ADAMTS12: variants seen among roughly 807,000 people sequenced by gnomAD.
The protein encoded by ADAMTS12 is A disintegrin and metalloproteinase with thrombospondin motifs 12.
A neutral mutation model predicts 167.8 loss-of-function variants in ADAMTS12; 118 were observed. The ratio of observed to expected loss-of-function variants is 0.70; its 90% CI spans 0.61 to 0.82. ADAMTS12 has a LOEUF of 0.82. ADAMTS12 is among the 40% of genes least tolerant of loss of function. The pLI, the probability that ADAMTS12 is intolerant of heterozygous loss-of-function variation, is 0.00. For synonymous variants in ADAMTS12, 704 were observed against 716.9 expected, an observed-to-expected ratio of 0.98 and a Z score of 0.29; for missense variants, 1,916 against 1,998.8, an observed-to-expected ratio of 0.96 and a Z score of 0.79.
At position 33,624,256 on chromosome 5, in the gene ADAMTS12, C is replaced by G; in HGVS notation, c.2118G>C (p.Lys706Asn). ...CAGATCCTTCCTTCTGCTTAAACAT[C>G]TTTCTCACAGTCTGGCAGGAAGAGC... Reference protein sequence around the residue: ...GDGSSCQTVRKMFKQKEGSGY... With the variant: ...GDGSSCQTVRNMFKQKEGSGY... The change falls in exon 14 of 24, where the codon AAG (lysine) becomes AAC (asparagine). Residue 706 changes from lysine to asparagine, a missense_variant. Lys to Asn is a moderately conservative substitution (Grantham distance 94). Coordinates refer to ENST00000504830, the MANE Select transcript of ADAMTS12 (RefSeq NM_030955.4). 2 of 1,614,126 alleles carry G rather than the reference C, an allele frequency of 1.2e-6. No individual in the cohort carries two copies. The highest frequency in any genetic ancestry group is 1.7e-6 in the Non-Finnish European group (2 of 1,179,964).
chr5:33,677,825 A>T (rs1741976284), intron 5 of ADAMTS12, among the ~76,000 whole-genome samples: 1 of 152,216 alleles, frequency 6.6e-6, no homozygotes, highest in Admixed American at 6.5e-5. Context: ...CTGCTTTGAA[A>T]TATGACTATC....
rs1347562801 is a variant in ADAMTS12 at position 33,780,806 on chromosome 5, T to C, written c.490-29258A>G. On this transcript the variant is annotated intron_variant, in intron 2 of 23. Coordinates refer to ENST00000504830, the MANE Select transcript of ADAMTS12 (RefSeq NM_030955.4). ...CTCCTTTCCTTTTATAGCTCTCTCG[T>C]AAGAAGAGTCTAATAAATGTGAGAT... Among the ~76,000 whole-genome samples the C allele has an allele frequency of 2.0e-5, 3 of 152,186 alleles. No individual in the cohort carries two copies. In the East Asian group the frequency reaches 5.8e-4, roughly 29 times the overall value.
chr5:33,751,594 T>C (rs1381254865), intron 2 of ADAMTS12, 46 bp from the exon 3 acceptor site: 3 of 1,590,836 alleles, frequency 1.9e-6, no homozygotes, highest in South Asian at 1.1e-5. Context: ...CAATTCTACA[T>C]ACCTACTAAA....
chr5:33,563,348 G>A (rs1745840796), intron 19 of ADAMTS12, among the ~76,000 whole-genome samples: 1 of 152,166 alleles, frequency 6.6e-6, no homozygotes, highest in Non-Finnish European at 1.5e-5. Flanking sequence ...CTGTCCTTGT[G>A]ACTTGTCTTG....
chr5:33,757,752 C>T (rs1432390600), intron 2 of ADAMTS12, among the ~76,000 whole-genome samples: 2 of 152,162 alleles, frequency 1.3e-5, no homozygotes, highest in Admixed American at 6.5e-5. Flanking sequence ...TTGCTTAACA[C>T]ATTGAGCCCC....
intron 16 of ADAMTS12, among the ~76,000 whole-genome samples, chr5:33,599,095 G>A (rs1355673937): frequency 6.6e-6 from 1 of 152,184 alleles, no homozygotes; most frequent in Non-Finnish European, 1.5e-5. Flanking sequence ...GATGGTTCTA[G>A]CCCCCAGGCA....
chr5:33,864,036 C>T (rs973998189), intron 2 of ADAMTS12, among the ~76,000 whole-genome samples: 2 of 152,144 alleles, frequency 1.3e-5, no homozygotes, highest in Non-Finnish European at 2.9e-5. Context: ...CTCCCTTACA[C>T]CTTATACAAA....
At chr5:33,755,968 C>T (rs1268476370) in intron 2 of ADAMTS12, among the ~76,000 whole-genome samples, 3 of 152,128 alleles carry the variant, frequency 2.0e-5, no homozygotes, top group Non-Finnish European at 4.4e-5. Context: ...ATCATATAGG[C>T]AGGAAAAAGG....
chr5:33,526,246 A>C lies in ADAMTS12; in HGVS notation c.*942T>G, dbSNP rs1347759505. The C allele has an allele frequency of 6.6e-6, 1 of 152,132 alleles. No homozygotes were observed. The highest frequency in any genetic ancestry group is 2.4e-5 in the African/African-American group (1 of 41,414). 9.4% of individuals were successfully genotyped at this position (152,132 alleles called of 1,614,324 possible). On this transcript the variant is annotated 3_prime_UTR_variant, in exon 24 of 24. Transcript: ENST00000504830. The stretch of plus-strand genomic sequence containing the variant: ...TAGAGCTGGTCATAGTGGTCTTTGC[A>C]TATACAGCCCCTGCAGCAAGACGAT...
At chr5:33,843,865 A>G in intron 2 of ADAMTS12, among the ~76,000 whole-genome samples, 1 of 152,258 alleles carries the variant, frequency 6.6e-6, no homozygotes, top group East Asian at 1.9e-4. Context: ...AGAATGGCAC[A>G]CAATTTAAAA....
intron 8 of ADAMTS12, among the ~76,000 whole-genome samples, chr5:33,649,196 T>A (rs1252349239): frequency 6.6e-6 from 1 of 152,186 alleles, no homozygotes. Context: ...ATGGTAAAAT[T>A]AGAAAATCAT....
intron 22 of ADAMTS12, among the ~76,000 whole-genome samples, chr5:33,539,755 C>T (rs1000501643): frequency 6.6e-5 from 10 of 152,046 alleles, no homozygotes; most frequent in Admixed American, 5.2e-4. Context: ...AAAATGCATG[C>T]TATTTTATTT....
intron 2 of ADAMTS12, among the ~76,000 whole-genome samples, chr5:33,761,269 G>T (rs898639998): frequency 1.3e-5 from 2 of 152,238 alleles, no homozygotes; most frequent in Non-Finnish European, 2.9e-5. Context: ...ACTCTGATAG[G>T]CAAGGATCCC....
At chr5:33,781,259 GTA>G (rs72093421) in intron 2 of ADAMTS12, among the ~76,000 whole-genome samples, 8,318 of 151,092 alleles carry the variant, frequency 0.055, 768 homozygotes, top group African/African-American at 0.19. Context: ...GTGTGTGTGT[GTA>G]TATATATATA....
intron 3 of ADAMTS12, among the ~76,000 whole-genome samples, chr5:33,748,984 C>G (rs2112386454): frequency 6.6e-6 from 1 of 152,322 alleles, no homozygotes; most frequent in East Asian, 1.9e-4. Context: ...AGTAACTATG[C>G]ATTACACATA....
chr5:33,817,191 G>A (rs1747693213), intron 2 of ADAMTS12, among the ~76,000 whole-genome samples: 1 of 152,166 alleles, frequency 6.6e-6, no homozygotes, highest in African/African-American at 2.4e-5. Context: ...GGATAAACAA[G>A]TAAGAAACTC....
chr5:33,586,578 A>C (rs563696326), intron 18 of ADAMTS12, among the ~76,000 whole-genome samples: 1 of 152,356 alleles, frequency 6.6e-6, no homozygotes, highest in African/African-American at 2.4e-5. Flanking sequence ...ACGTGAACAC[A>C]TTAAGAAGAA....
intron 3 of ADAMTS12, among the ~76,000 whole-genome samples, chr5:33,722,931 C>T (rs1743855845): frequency 6.6e-6 from 1 of 152,102 alleles, no homozygotes; most frequent in African/African-American, 2.4e-5. Context: ...TATACAGCTG[C>T]AGAAGCAAGG....
intron 2 of ADAMTS12, among the ~76,000 whole-genome samples, chr5:33,862,527 G>T (rs1281569916): frequency 1.3e-5 from 2 of 152,144 alleles, no homozygotes; most frequent in Non-Finnish European, 2.9e-5. Context: ...CCAGTAACAA[G>T]TTCTGAAATT....
Sources: allele counts gnomAD v4.1 joint callset (sites outside exome capture counted in the v4.1 genomes callset), GRCh38; gene constraint gnomAD v4.1.1; transcripts MANE v1.5; gene names NCBI Gene and HGNC (gene_info 2026-07-23, HGNC 2026-07-21).